Variants in TALDO1 observed in about 807,000 individuals in gnomAD.
The protein encoded by TALDO1 is transaldolase.
In TALDO1, 29 loss-of-function variants were observed where a neutral mutation model predicts 38.1. The ratio of observed to expected loss-of-function variants is 0.76; its 90% CI spans 0.57 to 1.04. TALDO1 has a LOEUF of 1.04. Among genes scored for constraint, TALDO1 ranks in the 50% least tolerant of loss-of-function variants. TALDO1 has a pLI of 0.00. For synonymous variants in TALDO1, 207 were observed against 176.8 expected (o/e 1.17, Z -1.36); for missense variants, 499 against 438.1 (o/e 1.14, Z -1.24).
intron 1 of TALDO1, among the ~76,000 whole-genome samples, chr11:754,501 T>C (rs562835871): frequency 6.6e-6 from 1 of 150,740 alleles, no homozygotes; most frequent in East Asian, 1.9e-4. Flanking sequence ...AAACAGAGTC[T>C]CACTCTGTCA....
intron 4 of TALDO1, among the ~76,000 whole-genome samples, chr11:763,100 A>G (rs1272312777): frequency 2.0e-5 from 3 of 152,228 alleles, no homozygotes; most frequent in Admixed American, 2.0e-4. Context: ...TAACAATGGC[A>G]TGAGCCTGTT....
intron 1 of TALDO1, 96 bp from the exon 2 acceptor site, chr11:755,783 C>T (rs752269776): frequency 4.1e-5 from 65 of 1,590,508 alleles, no homozygotes; most frequent in East Asian, 6.7e-5. Context: ...GCTCTGGACT[C>T]CCCTAACGTC....
chr11:748,323 C>T (rs555082591), intron 1 of TALDO1, among the ~76,000 whole-genome samples: 2 of 152,314 alleles, frequency 1.3e-5, no homozygotes, highest in South Asian at 2.1e-4. Context: ...TGGGTAAAAG[C>T]CGGTGCCCAT....
chr11:750,224 A>G (rs537213158), intron 1 of TALDO1, among the ~76,000 whole-genome samples: 4 of 152,118 alleles, frequency 2.6e-5, no homozygotes, highest in African/African-American at 9.6e-5. Flanking sequence ...TTCCTTGGCA[A>G]CCTCTAACCT....
Position 758,210 on chromosome 11 carries a change from G to A in TALDO1, c.222-740G>A, listed in dbSNP as rs375638319. ...GAGGCAGGAGAATGGCGTGAACCGC[G>A]GGGGGCAGAGCTGGCAGAGCCGAGA... On this transcript the variant is annotated intron_variant, in intron 2 of 7. Coordinates refer to ENST00000319006, the MANE Select transcript of TALDO1 (RefSeq NM_006755.2). Among the ~76,000 whole-genome samples, 39 of 152,278 alleles carry A rather than the reference G, an allele frequency of 2.6e-4. No individual in the cohort carries two copies. The East Asian group carries it at 7.3e-3, about 29-fold the overall frequency.
rs1564994897 is a variant in TALDO1 at position 764,379 on chromosome 11, T to C, written c.927T>C (p.Ser309=). 6.2e-7 allele frequency: 1 copy of C among 1,613,922 alleles called. No homozygotes were observed. Among genetic ancestry groups the C allele is most frequent in the Admixed American group, 1.7e-5 (1 of 59,974 alleles). Residue 309 remains serine, a synonymous_variant, in exon 7 of 8, where the codon TCT becomes TCC. Coordinates refer to ENST00000319006, the MANE Select transcript of TALDO1 (RefSeq NM_006755.2). The part of the protein sequence containing the change: ...NEDQMAVEKL[S]DGIRKFAADA... ...ACCAGATGGCTGTGGAGAAGCTCTC[T>C]GACGGGATCCGCAAGTTTGCCGCTG... is the stretch of plus-strand genomic sequence containing the variant.
intron 1 of TALDO1, 199 bp from the exon 2 acceptor site, chr11:755,680 G>C (rs903134890): frequency 1.4e-6 from 1 of 695,346 alleles, no homozygotes; most frequent in Non-Finnish European, 2.4e-6. Context: ...AGTGTTTGTT[G>C]TTCCATCATT....
chr11:762,857 G>A (rs77895549), intron 4 of TALDO1, among the ~76,000 whole-genome samples: 8,893 of 152,308 alleles, frequency 0.058, 676 homozygotes, highest in East Asian at 0.27. Context: ...CCCCAGGAAT[G>A]GGTAGGGTGG....
At chr11:764,468 G>A in intron 7 of TALDO1, 35 bp downstream of exon 7, 3 of 1,605,146 alleles carry the variant, frequency 1.9e-6, no homozygotes, top group Non-Finnish European at 2.6e-6. Flanking sequence ...CATATGCCAA[G>A]CCCTATGAGA....
intron 5 of TALDO1, 30 bp downstream of exon 5, chr11:763,549 G>A: frequency 1.2e-6 from 2 of 1,613,328 alleles, no homozygotes; most frequent in South Asian, 1.1e-5. Flanking sequence ...AATGGGGTAA[G>A]GGGAGCAGCC....
intron 4 of TALDO1, 140 bp from the exon 5 acceptor site, chr11:763,193 CGCCCTCACCTG>C: frequency 2.5e-6 from 1 of 404,140 alleles, no homozygotes; most frequent in Non-Finnish European, 4.5e-6. Context: ...TCACCTGCCC[CGCCCTCACCTG>C]CCCCGCCCTC....
rs766657765 is a variant in TALDO1, at chr11:758,980, T to G, written c.252T>G (p.Ile84Met). 6.2e-7 allele frequency: 1 copy of G among 1,612,630 alleles called. No individual in the cohort carries two copies. Among genetic ancestry groups the G allele is most frequent in the African/African-American group, 1.3e-5 (1 of 74,894 alleles). Residue 84 changes from isoleucine to methionine, a missense_variant, in exon 3 of 8, where the codon ATT becomes ATG. Coordinates refer to ENST00000319006, the MANE Select transcript of TALDO1 (RefSeq NM_006755.2). ...GSQEDQIKNAIDKLFVLFGAE... is the reference protein window; with the variant it reads ...GSQEDQIKNAMDKLFVLFGAE... ...AAGAGGACCAGATTAAAAATGCTAT[T>G]GATAAACTTTTTGTGTTGTTTGGAG... is the stretch of plus-strand genomic sequence containing the variant.
At chr11:755,659 G>T in intron 1 of TALDO1, 1 of 611,608 alleles carries the variant, frequency 1.6e-6, no homozygotes, top group African/African-American at 1.8e-5. Flanking sequence ...ATATTTGATC[G>T]CTGGGCACTT....
chr11:764,900 T>G lies in TALDO1; in HGVS notation c.*55T>G, dbSNP rs1216406986. 1.7e-5 allele frequency: 28 copies of G among 1,610,294 alleles called. No homozygotes were observed. The highest frequency in any genetic ancestry group is 2.3e-5 in the Non-Finnish European group (27 of 1,177,306). ...CACCGCCGGCCAGCTGGGATCTGAC[T>G]GCACGTGGCTTCTGATGAATCTTGC... On this transcript the variant is annotated 3_prime_UTR_variant, in exon 8 of 8. Coordinates refer to ENST00000319006, the MANE Select transcript of TALDO1 (RefSeq NM_006755.2).
chr11:758,088 C>T (rs564841139), intron 2 of TALDO1, among the ~76,000 whole-genome samples: 2 of 152,354 alleles, frequency 1.3e-5, no homozygotes, highest in Non-Finnish European at 2.9e-5. Context: ...TCGAGACCAT[C>T]CTGGCTAACA....
At chr11:764,203 G>A in intron 6 of TALDO1, 85 bp from the exon 7 acceptor site, 1 of 1,608,070 alleles carries the variant, frequency 6.2e-7, no homozygotes, top group South Asian at 1.1e-5. Context: ...AGATGCTTGG[G>A]TGCAGCAGTT....
chr11:754,060 C>G (rs180701315), intron 1 of TALDO1, among the ~76,000 whole-genome samples: 1 of 152,024 alleles, frequency 6.6e-6, no homozygotes, highest in East Asian at 2.0e-4. Flanking sequence ...TCTCGGCTCA[C>G]TGCAACCTCC....
intron 2 of TALDO1, among the ~76,000 whole-genome samples, chr11:757,214 T>C (rs957801933): frequency 4.6e-5 from 7 of 152,130 alleles, no homozygotes; most frequent in South Asian, 2.1e-4. Flanking sequence ...GCTCCTGTTA[T>C]TGGGTGACAT....
Position 764,367 on chromosome 11 carries a change from G to A in TALDO1, c.915G>A (p.Val305=). The change falls in exon 7 of 8, where the codon GTG becomes GTA. Residue 305 remains valine, a synonymous_variant. Transcript: ENST00000319006. ...RWLHNEDQMA[V]EKLSDGIRKF... ...TGCACAACGAGGACCAGATGGCTGT[G>A]GAGAAGCTCTCTGACGGGATCCGCA... 1 of 1,614,226 alleles carries A rather than the reference G, an allele frequency of 6.2e-7. No homozygotes were observed. Among genetic ancestry groups the A allele is most frequent in the East Asian group, 2.2e-5 (1 of 44,888 alleles).
Sources: allele counts gnomAD v4.1 joint callset (sites outside exome capture counted in the v4.1 genomes callset), GRCh38; gene constraint gnomAD v4.1.1; transcripts MANE v1.5; gene names NCBI Gene and HGNC (gene_info 2026-07-23, HGNC 2026-07-21).